Variants in RAD54L2 observed in about 807,000 individuals in gnomAD.
RAD54L2 encodes the protein helicase ARIP4.
In RAD54L2, 27 loss-of-function variants were observed where a neutral mutation model predicts 138.4. That is an observed-to-expected ratio of 0.20 (90% CI 0.14 to 0.27). RAD54L2 has a LOEUF of 0.27. RAD54L2 is among the 10% of genes least tolerant of loss of function. The probability of loss-of-function intolerance (pLI) is 1.00; values close to 1 mark genes in which losing one functional copy is unlikely to be tolerated. For synonymous variants in RAD54L2, 644 were observed against 723.2 expected (o/e 0.89, Z 1.76); for missense variants, 1,396 against 1,890.2 (o/e 0.74, Z 4.85).
At chr3:51,656,817 C>T (rs900033120) in intron 20 of RAD54L2, among the ~76,000 whole-genome samples, 2 of 151,546 alleles carry the variant, frequency 1.3e-5, no homozygotes, top group Non-Finnish European at 2.9e-5. Context: ...GATCTTGGCT[C>T]GCTGCACTCC....
At chr3:51,613,260 T>G (rs909030127) in intron 3 of RAD54L2, among the ~76,000 whole-genome samples, 6 of 152,128 alleles carry the variant, frequency 3.9e-5, no homozygotes, top group African/African-American at 1.4e-4. Context: ...TTCATAACTC[T>G]GTGTTATTCA....
At chr3:51,592,893 A>G (rs1467382975) in intron 3 of RAD54L2, among the ~76,000 whole-genome samples, 7 of 152,192 alleles carry the variant, frequency 4.6e-5, no homozygotes. Flanking sequence ...TTTTCCTCTC[A>G]TGTTGAGCAC....
chr3:51,612,104 G>A (rs952359873), intron 3 of RAD54L2, among the ~76,000 whole-genome samples: 2 of 152,174 alleles, frequency 1.3e-5, no homozygotes, highest in African/African-American at 4.8e-5. Flanking sequence ...AAAATTAGTG[G>A]ATCTTTTCTC....
At position 51,606,371 on chromosome 3, in the gene RAD54L2, G is replaced by A. The variant is rs537540504; in HGVS notation, c.139+15812G>A. ...GACCAGATAGTGGCAATGGTATGGA[G>A]AGGAGTAGCCTGAGATTCTTAGGTA... On this transcript the variant is annotated intron_variant, in intron 3 of 22. Coordinates refer to ENST00000684192, the MANE Select transcript of RAD54L2 (RefSeq NM_015106.4). Among the ~76,000 whole-genome samples the A allele has an allele frequency of 3.9e-5, 6 of 152,264 alleles. No homozygotes were observed. In the East Asian group the frequency reaches 1.2e-3, roughly 29 times the overall value.
intron 21 of RAD54L2, among the ~76,000 whole-genome samples, chr3:51,659,724 A>G (rs1701710112): frequency 1.3e-5 from 2 of 152,214 alleles, no homozygotes; most frequent in Admixed American, 6.5e-5. Flanking sequence ...ATTTTCTGGT[A>G]TAAGTCTCTG....
chr3:51,603,524 T>C (rs911867692), intron 3 of RAD54L2, among the ~76,000 whole-genome samples: 26 of 152,000 alleles, frequency 1.7e-4, no homozygotes, highest in Non-Finnish European at 2.8e-4. Context: ...GGAGAATTGC[T>C]TGAACCTGGG....
At chr3:51,618,311 T>G (rs1700494306) in intron 3 of RAD54L2, among the ~76,000 whole-genome samples, 1 of 152,048 alleles carries the variant, frequency 6.6e-6, no homozygotes, top group African/African-American at 2.4e-5. Context: ...CCTTTTTCTG[T>G]GGGTGTCTTT....
chr3:51,579,196 G>A (rs1325164805), intron 2 of RAD54L2, among the ~76,000 whole-genome samples: 1 of 145,376 alleles, frequency 6.9e-6, no homozygotes, highest in Non-Finnish European at 1.5e-5. Context: ...AGAGTCTCAC[G>A]GTGTCGCCCA....
intron 2 of RAD54L2, among the ~76,000 whole-genome samples, chr3:51,552,431 T>C (rs1698861892): frequency 1.3e-5 from 2 of 151,678 alleles, no homozygotes; most frequent in Non-Finnish European, 2.9e-5. Context: ...CCCGGCTGAG[T>C]TTTTGTATTT....
At chr3:51,589,660 C>CCA (rs1432574466) in intron 2 of RAD54L2, among the ~76,000 whole-genome samples, 1 of 133,524 alleles carries the variant, frequency 7.5e-6, no homozygotes, top group Admixed American at 8.6e-5. Context: ...GTTGGGGACT[C>CCA]TATACATATA....
Position 51,655,923 on chromosome 3 carries a change from A to T in RAD54L2, c.3027-48A>T, listed in dbSNP as rs776302984. On this transcript the variant is annotated intron_variant, in intron 19 of 22. Transcript: ENST00000684192. ...GGCTCTGTAGCCTTTGGAAAAGGTA[A>T]CAGTTGTTCTGCCAAACTCTTTTAG... 4.7e-6 allele frequency: 7 copies of T among 1,500,556 alleles called. No homozygotes were observed. In the Admixed American group the frequency reaches 1.1e-4, roughly 24 times the overall value. The allele number at this position is 1,500,556 out of a possible 1,614,324, so 93.0% of individuals were successfully genotyped here.
chr3:51,574,363 T>G (rs1239598179), intron 2 of RAD54L2, among the ~76,000 whole-genome samples: 4 of 152,302 alleles, frequency 2.6e-5, no homozygotes, highest in Admixed American at 1.3e-4. Flanking sequence ...ATATACCCAG[T>G]AATGGGATGG....
In RAD54L2 at chr3:51,590,531, C is replaced by T; in HGVS notation, c.111C>T (p.Asp37=). Residue 37 remains aspartate, a synonymous_variant, in exon 3 of 23, where the codon GAC becomes GAT. Transcript: ENST00000684192. ...EEEEVAVEEC[D]RDDEEDLLDD... ...AGGAGGTGGCAGTGGAGGAGTGTGACAGGGATGATGAAGAAGACCTGCTGG... is the reference window on the plus strand; with the variant it reads ...AGGAGGTGGCAGTGGAGGAGTGTGATAGGGATGATGAAGAAGACCTGCTGG... The T allele has an allele frequency of 1.3e-6, 2 of 1,552,310 alleles. No individual in the cohort carries two copies. Among genetic ancestry groups the T allele is most frequent in the Non-Finnish European group, 1.7e-6 (2 of 1,147,162 alleles).
In RAD54L2 at chr3:51,660,067, C is replaced by T. The variant is rs1371358830; in HGVS notation, c.3358C>T (p.Arg1120Trp). The change falls in exon 22 of 23, where the codon CGG becomes TGG. Residue 1120 changes from arginine (R) to tryptophan (W), a missense_variant. By Grantham distance (101) the Arg-to-Trp change is moderately radical. This residue lies in a region of RAD54L2 where 634 missense variants were observed against 711.2 expected (regional missense o/e 0.89). Transcript: ENST00000684192. ...CAGTGATGGACGGATCTTTGCTGTC[C>T]GGGCAACTGGCAAACCAAAGGTTCC... Reference protein sequence around the residue: ...RTSDGRIFAVRATGKPKVPED... With the variant: ...RTSDGRIFAVWATGKPKVPED... 3 of 1,600,068 alleles carry T rather than the reference C, an allele frequency of 1.9e-6. No homozygotes were observed. The highest frequency in any genetic ancestry group is 2.6e-6 in the Non-Finnish European group (3 of 1,168,454).
intron 21 of RAD54L2, 43 bp from the exon 22 acceptor site, chr3:51,659,973 GTTGGCTGTAT>G (rs1701716480): frequency 1.4e-6 from 2 of 1,395,972 alleles, no homozygotes; most frequent in Non-Finnish European, 9.9e-7. Context: ...GTTTCCCAGG[GTTGGCTGTAT>G]TATATGTCTG....
chr3:51,604,801 G>A (rs1700144285), intron 3 of RAD54L2, among the ~76,000 whole-genome samples: 1 of 152,156 alleles, frequency 6.6e-6, no homozygotes, highest in Non-Finnish European at 1.5e-5. Context: ...TCTCTAGCAG[G>A]GCTCACCACA....
Position 51,563,650 on chromosome 3 carries a change from C to T in RAD54L2, c.-55+22000C>T, listed in dbSNP as rs544715706. Reference sequence around the variant, plus strand: ...GTCAGTAGTTAGAAAGTAATAATACCGTAGCATTTGCTTTATCATTTTGCT... The same window carrying T: ...GTCAGTAGTTAGAAAGTAATAATACTGTAGCATTTGCTTTATCATTTTGCT... On this transcript the variant is annotated intron_variant, in intron 2 of 22. Coordinates refer to ENST00000684192, the MANE Select transcript of RAD54L2 (RefSeq NM_015106.4). Among the ~76,000 whole-genome samples the T allele has an allele frequency of 3.9e-5, 6 of 152,198 alleles. No individual in the cohort carries two copies. In the South Asian group the frequency reaches 1.0e-3, roughly 26 times the overall value.
intron 14 of RAD54L2, among the ~76,000 whole-genome samples, chr3:51,640,836 G>A (rs372845393): frequency 9.2e-5 from 14 of 152,160 alleles, no homozygotes; most frequent in African/African-American, 3.4e-4. Flanking sequence ...TTGTTACTCT[G>A]CATTGAGCTA....
intron 3 of RAD54L2, among the ~76,000 whole-genome samples, chr3:51,609,023 T>C (rs1184192237): frequency 1.3e-5 from 2 of 152,128 alleles, no homozygotes; most frequent in African/African-American, 2.4e-5. Context: ...CCTGAGTAGC[T>C]GGGATTACAG....
Sources: allele counts gnomAD v4.1 joint callset (sites outside exome capture counted in the v4.1 genomes callset), GRCh38; gene constraint gnomAD v4.1.1; regional missense constraint gnomAD v4.1.1; transcripts MANE v1.5; gene names NCBI Gene and HGNC (gene_info 2026-07-23, HGNC 2026-07-21).